SLC20A2: variants seen among roughly 807,000 people sequenced by gnomAD.
The protein encoded by SLC20A2 is solute carrier family 20 member 2.
In SLC20A2, 30 loss-of-function variants were observed where a neutral mutation model predicts 61.0. The ratio of observed to expected loss-of-function variants is 0.49; its 90% CI spans 0.37 to 0.67. SLC20A2 has a LOEUF of 0.67. Among genes scored for constraint, SLC20A2 ranks in the 30% least tolerant of loss-of-function variants. SLC20A2 has a pLI of 0.00. For synonymous variants in SLC20A2, 351 were observed against 353.3 expected (o/e 0.99, Z 0.07); for missense variants, 626 against 866.4 (o/e 0.72, Z 3.48).
At chr8:42,520,141 G>A (rs994071468) in intron 1 of SLC20A2, among the ~76,000 whole-genome samples, 3 of 147,958 alleles carry the variant, frequency 2.0e-5, no homozygotes, top group Non-Finnish European at 3.0e-5. Flanking sequence ...AGCCTCCCAA[G>A]CAGCTGGGAT....
intron 1 of SLC20A2, among the ~76,000 whole-genome samples, chr8:42,539,929 T>G (rs1426245150): frequency 6.6e-6 from 1 of 152,218 alleles, no homozygotes; most frequent in Non-Finnish European, 1.5e-5. Context: ...AAAAACACAT[T>G]AATTTACTCT....
chr8:42,470,470 CG>C (rs1413993027), intron 2 of SLC20A2, among the ~76,000 whole-genome samples: 1 of 151,978 alleles, frequency 6.6e-6, no homozygotes, highest in African/African-American at 2.4e-5. Context: ...CTGCCCATCT[CG>C]GGGGCCTCCC....
intron 1 of SLC20A2, among the ~76,000 whole-genome samples, chr8:42,478,293 C>T (rs545680981): frequency 6.7e-6 from 1 of 148,472 alleles, no homozygotes; most frequent in South Asian, 2.1e-4. Flanking sequence ...CTCACTACAA[C>T]CTCTGCCTCC....
At chr8:42,471,969 G>A in intron 2 of SLC20A2, 133 bp downstream of exon 2, 1 of 730,594 alleles carries the variant, frequency 1.4e-6, no homozygotes, top group South Asian at 1.9e-5. Context: ...AAAAATAAGA[G>A]AGTAAATGTG....
At chr8:42,484,767 G>A (rs1586172802) in intron 1 of SLC20A2, 1 of 334,414 alleles carries the variant, frequency 3.0e-6, no homozygotes, top group East Asian at 7.9e-5. Flanking sequence ...GGGCAGCCAG[G>A]CAGCTAAAGG....
chr8:42,507,857 T>C (rs1810799387), intron 1 of SLC20A2, among the ~76,000 whole-genome samples: 1 of 152,176 alleles, frequency 6.6e-6, no homozygotes, highest in Non-Finnish European at 1.5e-5. Flanking sequence ...AGGCTTCCAG[T>C]TGTGTTAATC....
intron 6 of SLC20A2, among the ~76,000 whole-genome samples, chr8:42,442,656 T>C (rs1804871569): frequency 6.6e-6 from 1 of 152,256 alleles, no homozygotes; most frequent in Non-Finnish European, 1.5e-5. Flanking sequence ...TTTTCCAAAA[T>C]TGTTCCAGCT....
upstream of SLC20A2, among the ~76,000 whole-genome samples, chr8:42,504,129 G>C (rs1192331673): frequency 6.6e-6 from 1 of 152,024 alleles, no homozygotes; most frequent in Non-Finnish European, 1.5e-5. Context: ...TTTGTAGAGA[G>C]GAGGTCTCAC....
intron 1 of SLC20A2, among the ~76,000 whole-genome samples, chr8:42,488,180 CTTTTTTTTTTTTT>C (rs35200743): frequency 3.7e-4 from 32 of 87,030 alleles, no homozygotes; most frequent in Admixed American, 4.5e-4. Flanking sequence ...AATAATACTG[CTTTTTTTTTTTTT>C]TTTTTTTTTT....
At chr8:42,469,258 G>A (rs894012844) in intron 2 of SLC20A2, among the ~76,000 whole-genome samples, 25 of 151,896 alleles carry the variant, frequency 1.6e-4, no homozygotes, top group Admixed American at 1.5e-3. Flanking sequence ...CAAAGAACCC[G>A]ATTTTATGAA....
intron 5 of SLC20A2, among the ~76,000 whole-genome samples, chr8:42,455,241 AATATATAT>A (rs71548582): frequency 9.7e-6 from 1 of 102,606 alleles, no homozygotes; most frequent in Non-Finnish European, 1.7e-5. Context: ...AAAAAAAAAA[AATATATAT>A]ATATATATAG....
chr8:42,528,613 A>G (rs1445535395), intron 1 of SLC20A2, among the ~76,000 whole-genome samples: 1 of 152,214 alleles, frequency 6.6e-6, no homozygotes, highest in East Asian at 1.9e-4. Flanking sequence ...TTAATCATTT[A>G]CTTTCTGCAC....
At chr8:42,484,766 G>T in intron 1 of SLC20A2, 1 of 334,698 alleles carries the variant, frequency 3.0e-6, no homozygotes, top group South Asian at 2.8e-5. Flanking sequence ...AGGGCAGCCA[G>T]GCAGCTAAAG....
intron 9 of SLC20A2, among the ~76,000 whole-genome samples, chr8:42,429,861 G>A (rs185847090): frequency 1.5e-4 from 23 of 152,240 alleles, no homozygotes; most frequent in African/African-American, 5.1e-4. Flanking sequence ...TCTCAGGGAC[G>A]CTGTGGCTGG....
At chr8:42,435,276 G>A (rs1266671906) in intron 8 of SLC20A2, among the ~76,000 whole-genome samples, 2 of 152,184 alleles carry the variant, frequency 1.3e-5, no homozygotes, top group Non-Finnish European at 2.9e-5. Flanking sequence ...AGCTGCACGT[G>A]GGGAGGCAGT....
chr8:42,469,652 G>A (rs1220356853), intron 2 of SLC20A2, among the ~76,000 whole-genome samples: 2 of 152,112 alleles, frequency 1.3e-5, no homozygotes, highest in East Asian at 1.9e-4. Context: ...CTTTGTGGCC[G>A]GGTGTGGTGG....
At chr8:42,464,790 T>C (rs1225649942) in intron 3 of SLC20A2, among the ~76,000 whole-genome samples, 8 of 151,900 alleles carry the variant, frequency 5.3e-5, no homozygotes, top group Non-Finnish European at 7.4e-5. Flanking sequence ...CTGGGCAACA[T>C]GGTGAAACCC....
rs186907750 is a variant in SLC20A2 at position 42,418,381 on chromosome 8, G to A, written c.1795-414C>T. ...GGGGTTTCACCATGTTGGCCACGCT[G>A]ATGTGGAACTCCTCACCTCAAGTGA... On this transcript the variant is annotated intron_variant, in intron 10 of 10. Coordinates refer to ENST00000520262, the MANE Select transcript of SLC20A2 (RefSeq NM_001257180.2). 3.0e-3 allele frequency among the ~76,000 whole-genome samples: 459 copies of A among 151,870 alleles called. 1 individual carries two copies. Among genetic ancestry groups the A allele is most frequent in the African/African-American group, 0.011 (442 of 41,408 alleles).
chr8:42,518,330 T>C (rs1172128379), intron 1 of SLC20A2, among the ~76,000 whole-genome samples: 1 of 152,222 alleles, frequency 6.6e-6, no homozygotes, highest in Non-Finnish European at 1.5e-5. Context: ...CATAAAGCCA[T>C]ACCAAATGGC....
Sources: allele counts gnomAD v4.1 joint callset (sites outside exome capture counted in the v4.1 genomes callset), GRCh38; gene constraint gnomAD v4.1.1; transcripts MANE v1.5; gene names NCBI Gene and HGNC (gene_info 2026-07-23, HGNC 2026-07-21).